The following POLB variants were observed in gnomAD, a reference collection of about 807,000 sequenced individuals.
The protein encoded by POLB is 5'-dRP lyase.
A neutral mutation model predicts 52.7 loss-of-function variants in POLB; 37 were observed. The observed-to-expected ratio is 0.70, with a 90% confidence interval of 0.54 to 0.92. The LOEUF (loss-of-function observed/expected upper bound fraction) is 0.92, where lower values mean the gene tolerates loss of function less well. POLB is among the 40% of genes least tolerant of loss of function. POLB has a pLI of 0.00. For synonymous variants in POLB, 138 were observed against 131.3 expected (o/e 1.05, Z -0.35); for missense variants, 313 against 400.8 (o/e 0.78, Z 1.87).
At chr8:42,368,286 G>A (rs1230984101) in intron 11 of POLB, among the ~76,000 whole-genome samples, 1 of 152,218 alleles carries the variant, frequency 6.6e-6, no homozygotes, top group Non-Finnish European at 1.5e-5. Flanking sequence ...GTTGGAACTT[G>A]TTAGTGCCTA....
At chr8:42,367,813 T>A (rs938014700) in intron 11 of POLB, among the ~76,000 whole-genome samples, 8 of 152,196 alleles carry the variant, frequency 5.3e-5, no homozygotes, top group African/African-American at 1.9e-4. Context: ...AAAAAAAGTT[T>A]CCTCTGCATT....
At chr8:42,367,317 G>A (rs1392146096) in intron 11 of POLB, among the ~76,000 whole-genome samples, 1 of 152,148 alleles carries the variant, frequency 6.6e-6, no homozygotes, top group Non-Finnish European at 1.5e-5. Context: ...AGGGTCTAGG[G>A]GAGAGGAGAG....
At chr8:42,368,362 A>G (rs1410902611) in intron 11 of POLB, among the ~76,000 whole-genome samples, 1 of 152,226 alleles carries the variant, frequency 6.6e-6, no homozygotes, top group Non-Finnish European at 1.5e-5. Context: ...AGGAACAGCT[A>G]AAGAATTAGT....
chr8:42,347,250 GA>G (rs1822678284), intron 3 of POLB, among the ~76,000 whole-genome samples: 1 of 148,692 alleles, frequency 6.7e-6, no homozygotes, highest in Non-Finnish European at 1.5e-5. Flanking sequence ...CCCATTTCTG[GA>G]ATTACTCCTC....
In POLB at chr8:42,349,988, A is replaced by C. The variant is rs776801874; in HGVS notation, c.262-19A>C. On this transcript the variant is annotated intron_variant, in intron 4 of 13. Transcript: ENST00000265421. ...CAAAGCATTCCTAAATCATTGTTAGACTTTTTTTTTTCTTAAAGATTCGGC... is the reference window on the plus strand; with the variant it reads ...CAAAGCATTCCTAAATCATTGTTAGCCTTTTTTTTTTCTTAAAGATTCGGC... 6.5e-7 allele frequency: 1 copy of C among 1,538,040 alleles called. No individual in the cohort carries two copies. Among genetic ancestry groups the C allele is most frequent in the Admixed American group, 1.7e-5 (1 of 59,868 alleles).
intron 6 of POLB, 190 bp from the exon 7 acceptor site, chr8:42,355,326 C>G (rs149840714): frequency 1.2e-3 from 548 of 461,840 alleles, no homozygotes; most frequent in African/African-American, 9.8e-3. Context: ...GTGTGAGCCA[C>G]CACGCCTGGC....
chr8:42,349,855 C>A, intron 4 of POLB, 152 bp from the exon 5 acceptor site: 1 of 630,648 alleles, frequency 1.6e-6, no homozygotes. Context: ...ACCTATTACT[C>A]CTTAGGTTAC....
Position 42,344,130 on chromosome 8 carries a change from G to C in POLB, c.120-823G>C, listed in dbSNP as rs193178641. 0.012 allele frequency among the ~76,000 whole-genome samples: 605 copies of C among 49,984 alleles called. 13 individuals carry two copies. In the Admixed American group the frequency reaches 0.15, roughly 12 times the overall value. 32.8% of individuals were successfully genotyped at this position (49,984 alleles called of 152,430 possible). On this transcript the variant is annotated intron_variant, in intron 2 of 13. Transcript: ENST00000265421. ...TGGGCGACAGACTGGGCGAGACTCC[G>C]TCTCAAAAAAAAAAAAAAAAAAAAA...
chr8:42,353,123 T>C (rs1274565837), intron 6 of POLB, among the ~76,000 whole-genome samples: 1 of 150,820 alleles, frequency 6.6e-6, no homozygotes, highest in Non-Finnish European at 1.5e-5. Context: ...TTAAAAGCAA[T>C]GAAATAGTTA....
chr8:42,345,047 G>C, intron 3 of POLB, 28 bp downstream of exon 3: 2 of 1,510,914 alleles, frequency 1.3e-6, no homozygotes, highest in Non-Finnish European at 1.8e-6. Flanking sequence ...GTTGATCGAA[G>C]AGTTCACACG....
At chr8:42,352,998 C>T (rs937986337) in intron 6 of POLB, among the ~76,000 whole-genome samples, 24 of 150,876 alleles carry the variant, frequency 1.6e-4, no homozygotes, top group Admixed American at 9.9e-4. Context: ...TGCTTGAACC[C>T]GGGAGGCAGA....
At chr8:42,357,548 A>AAGGG (rs1799444954) in intron 9 of POLB, 156 bp downstream of exon 9, 7 of 506,698 alleles carry the variant, frequency 1.4e-5, no homozygotes, top group Non-Finnish European at 2.4e-5. Context: ...ATAGATGGGA[A>AAGGG]TATGTAACTA....
intron 11 of POLB, among the ~76,000 whole-genome samples, chr8:42,368,082 G>A (rs1368869952): frequency 1.3e-5 from 2 of 152,128 alleles, no homozygotes; most frequent in Non-Finnish European, 2.9e-5. Flanking sequence ...TTTAATATTA[G>A]CACTTCAGAA....
At chr8:42,365,171 TC>T (rs1823963211) in intron 11 of POLB, among the ~76,000 whole-genome samples, 1 of 152,210 alleles carries the variant, frequency 6.6e-6, no homozygotes, top group Non-Finnish European at 1.5e-5. Flanking sequence ...AAAAATCATG[TC>T]ATTAAGTTCA....
intron 3 of POLB, among the ~76,000 whole-genome samples, chr8:42,345,776 A>T (rs985429739): frequency 2.9e-4 from 44 of 152,190 alleles, no homozygotes; most frequent in African/African-American, 1.0e-3. Flanking sequence ...TCAACCTGTA[A>T]TATCACTGAG....
At chr8:42,341,703 T>G in intron 2 of POLB, 1 of 283,478 alleles carries the variant, frequency 3.5e-6, no homozygotes, top group Admixed American at 4.8e-5. Flanking sequence ...TGGGAACAAT[T>G]TTTTTTTTCT....
At chr8:42,347,167 A>G (rs1822670410) in intron 3 of POLB, among the ~76,000 whole-genome samples, 1 of 152,080 alleles carries the variant, frequency 6.6e-6, no homozygotes, top group Non-Finnish European at 1.5e-5. Context: ...TTCCTTTTGC[A>G]TAAGACTGGT....
At chr8:42,369,195 C>A in intron 11 of POLB, 76 bp from the exon 12 acceptor site, 1 of 836,326 alleles carries the variant, frequency 1.2e-6, no homozygotes. Flanking sequence ...ACAAAAATGG[C>A]CTTGTGTTTT....
intron 11 of POLB, among the ~76,000 whole-genome samples, chr8:42,363,781 C>G (rs1486267635): frequency 1.3e-5 from 2 of 151,858 alleles, no homozygotes; most frequent in Non-Finnish European, 2.9e-5. Context: ...AGAAACGTTA[C>G]ATGGAATGAT....
Sources: allele counts gnomAD v4.1 joint callset (sites outside exome capture counted in the v4.1 genomes callset), GRCh38; gene constraint gnomAD v4.1.1; transcripts MANE v1.5; gene names NCBI Gene and HGNC (gene_info 2026-07-23, HGNC 2026-07-21).